KANK1: variants seen among roughly 807,000 people sequenced by gnomAD.
The protein encoded by KANK1 is KN motif and ankyrin repeat domain-containing protein 1.
KANK1 carries 109 observed loss-of-function variants against 106.2 expected under a neutral mutation model. The observed-to-expected ratio is 1.03, with a 90% CI of 0.88 to 1.20. The LOEUF is 1.20. Ranked by LOEUF, KANK1 falls within the 50% of genes most tolerant of loss-of-function variation. KANK1 has a pLI of 0.00. For synonymous variants in KANK1, 873 were observed against 652.2 expected (o/e 1.34, Z -5.16); for missense variants, 2,399 against 1,710.7 (o/e 1.40, Z -7.10).
chr9:724,859 C>T (rs1015117201), intron 3 of KANK1, among the ~76,000 whole-genome samples: 30 of 151,852 alleles, frequency 2.0e-4, no homozygotes, highest in African/African-American at 6.5e-4. Flanking sequence ...TTTTGGAGGC[C>T]GCTGCAATAT....
chr9:626,344 A>G (rs1343312948), intron 1 of KANK1, among the ~76,000 whole-genome samples: 3 of 151,988 alleles, frequency 2.0e-5, no homozygotes, highest in Non-Finnish European at 4.4e-5. Flanking sequence ...AGTCCCAGCT[A>G]CTCGGAAGGC....
intron 1 of KANK1, among the ~76,000 whole-genome samples, chr9:550,551 A>G (rs761052485): frequency 2.0e-5 from 3 of 152,194 alleles, no homozygotes; most frequent in Non-Finnish European, 4.4e-5. Flanking sequence ...TTGAGGCCGC[A>G]ATGAGTTATC....
intron 1 of KANK1, among the ~76,000 whole-genome samples, chr9:657,672 C>T (rs189574790): frequency 6.6e-6 from 1 of 152,074 alleles, no homozygotes; most frequent in African/African-American, 2.4e-5. Context: ...TACAGCTTTT[C>T]CCATAACCAT....
At chr9:525,423 A>G (rs6476942) in intron 1 of KANK1, among the ~76,000 whole-genome samples, 64,085 of 149,916 alleles carry the variant, frequency 0.43, 16,399 homozygotes, top group African/African-American at 0.71. Flanking sequence ...GGCCCAGGCC[A>G]AAGTGAAGTG....
chr9:600,037 A>T lies in KANK1; in HGVS notation c.-83-76853A>T, dbSNP rs982024593. On this transcript the variant is annotated intron_variant, in intron 1 of 11. Coordinates refer to ENST00000382297, the MANE Select transcript of KANK1 (RefSeq NM_015158.5). ...AAAAAAAATTACCTTAAATTTTTTT[A>T]AAGTTTTGTGTTAGGCATAACACAT... Among the ~76,000 whole-genome samples, 24 of 151,886 alleles carry T rather than the reference A, an allele frequency of 1.6e-4. 3 individuals are homozygous for T. Among genetic ancestry groups the T allele is most frequent in the African/African-American group, 5.8e-4 (24 of 41,154 alleles).
chr9:681,478 T>G (rs778244108), intron 2 of KANK1, among the ~76,000 whole-genome samples: 4 of 152,210 alleles, frequency 2.6e-5, no homozygotes, highest in Non-Finnish European at 5.9e-5. Flanking sequence ...ACTAATGTTG[T>G]GAAACTTTAA....
intron 10 of KANK1, 102 bp from the exon 11 acceptor site, chr9:744,389 G>T: frequency 7.4e-7 from 1 of 1,351,202 alleles, no homozygotes. Flanking sequence ...GGATATTTGG[G>T]GAACCTTGCC....
chr9:609,260 T>C lies in KANK1; in HGVS notation c.-83-67630T>C, dbSNP rs138025089. Among the ~76,000 whole-genome samples the C allele has an allele frequency of 4.0e-3, 612 of 152,376 alleles. 6 individuals carry two copies. Among genetic ancestry groups the C allele is most frequent in the African/African-American group, 0.013 (541 of 41,584 alleles). ...AAACATTTTATAAGTTTATTGTTTG[T>C]AAATTAAATAGATTTGCTTAACAGT... On this transcript the variant is annotated intron_variant, in intron 1 of 11. Transcript: ENST00000382297.
intron 2 of KANK1, chr9:706,843 T>G: frequency 8.1e-6 from 8 of 985,532 alleles, no homozygotes; most frequent in Non-Finnish European, 9.6e-6. Flanking sequence ...GACCGAGGGC[T>G]GGGCAGGAGG....
At chr9:515,397 G>T (rs114702669) in intron 1 of KANK1, among the ~76,000 whole-genome samples, 4,212 of 150,012 alleles carry the variant, frequency 0.028, 288 homozygotes, top group African/African-American at 0.098. Context: ...TAGAGACATT[G>T]TATCAGTTCT....
chr9:741,369 G>C (rs1392066763), intron 9 of KANK1, among the ~76,000 whole-genome samples: 1 of 151,686 alleles, frequency 6.6e-6, no homozygotes, highest in African/African-American at 2.4e-5. Context: ...CCCCAGGCTG[G>C]AGTGCAGTGG....
chr9:616,791 G>A (rs745806243), intron 1 of KANK1, among the ~76,000 whole-genome samples: 6 of 152,108 alleles, frequency 3.9e-5, no homozygotes, highest in Non-Finnish European at 5.9e-5. Context: ...TGCTTATGTC[G>A]CTGCTGTTCT....
intron 1 of KANK1, among the ~76,000 whole-genome samples, chr9:626,555 G>T (rs933889769): frequency 6.6e-6 from 1 of 152,194 alleles, no homozygotes; most frequent in African/African-American, 2.4e-5. Flanking sequence ...CACTTAGGAG[G>T]AGGCTGTACA....
intron 1 of KANK1, among the ~76,000 whole-genome samples, chr9:521,295 G>A (rs1270067728): frequency 1.3e-5 from 2 of 151,714 alleles, no homozygotes; most frequent in Non-Finnish European, 1.5e-5. Context: ...CTTTTTATGA[G>A]GTGTGGGGGC....
chr9:566,121 G>A (rs1817744260), intron 1 of KANK1, among the ~76,000 whole-genome samples: 1 of 152,152 alleles, frequency 6.6e-6, no homozygotes, highest in Non-Finnish European at 1.5e-5. Context: ...GTAGTATTTG[G>A]TTTTCTGTTC....
At chr9:493,945 C>T (rs749928443) in intron 3 of KANK1, among the ~76,000 whole-genome samples, 33 of 150,442 alleles carry the variant, frequency 2.2e-4, no homozygotes, top group Admixed American at 2.1e-3. Context: ...TGCAATGGTG[C>T]GATCTCGGCT....
chr9:608,022 A>ATTTTTTTT, intron 1 of KANK1, among the ~76,000 whole-genome samples: 1 of 70,846 alleles, frequency 1.4e-5, no homozygotes, highest in Non-Finnish European at 3.0e-5. Flanking sequence ...AATTATTATT[A>ATTTTTTTT]TTATTATTAT....
At chr9:735,003 C>G (rs1304626204) in intron 7 of KANK1, among the ~76,000 whole-genome samples, 168 bp downstream of exon 7, 1 of 152,198 alleles carries the variant, frequency 6.6e-6, no homozygotes, top group Non-Finnish European at 1.5e-5. Context: ...CTCCCTGGAT[C>G]ACACTGCCAG....
At chr9:479,833 A>G (rs2058171843) in intron 3 of KANK1, among the ~76,000 whole-genome samples, 1 of 152,160 alleles carries the variant, frequency 6.6e-6, no homozygotes, top group African/African-American at 2.4e-5. Flanking sequence ...TGTTTTCAGA[A>G]GCCAATATTC....
Sources: allele counts gnomAD v4.1 joint callset (sites outside exome capture counted in the v4.1 genomes callset), GRCh38; gene constraint gnomAD v4.1.1; transcripts MANE v1.5; gene names NCBI Gene and HGNC (gene_info 2026-07-23, HGNC 2026-07-21).